The following SCYGR7 variants were observed in gnomAD, a reference collection of about 807,000 sequenced individuals.
SCYGR7 encodes small cysteine and glycine repeat-containing protein 7.
chr2:227,728,570 G>A, exon 1 of SCYGR7: 2 of 399,114 alleles, frequency 5.0e-6, no homozygotes, highest in Non-Finnish European at 8.8e-6. Context: ...GGCTGCGGCT[G>A]TGGGAAGGGC....
exon 1 of SCYGR7, chr2:227,728,491 C>T (rs1316768658): frequency 1.8e-5 from 7 of 399,262 alleles, no homozygotes; most frequent in Admixed American, 4.4e-5. Context: ...CCCCTGCTGC[C>T]GCGGCTGCTG....
exon 1 of SCYGR7, chr2:227,728,415 C>CGGTGGTGGCTGCGGTGGCTGT (rs1696589124): frequency 2.5e-6 from 1 of 398,642 alleles, no homozygotes; most frequent in Non-Finnish European, 4.4e-6. Flanking sequence ...GTGGTGGCTG[C>CGGTGGTGGCTGCGGTGGCTGT]GGTGGTGGCT....
At chr2:227,728,400 CTGCGGTGGT>C in exon 1 of SCYGR7, 2 of 405,678 alleles carry the variant, frequency 4.9e-6, no homozygotes, top group South Asian at 1.2e-4. Flanking sequence ...GCGGTGGTGG[CTGCGGTGGT>C]GGCTGCGGTG....
chr2:227,728,356 A>T (rs540532810), exon 1 of SCYGR7: 1 of 399,468 alleles, frequency 2.5e-6, no homozygotes, highest in East Asian at 3.6e-5. Flanking sequence ...TGGTTGTGGA[A>T]GTTGTGGTGG....
exon 1 of SCYGR7, chr2:227,728,457 G>A: frequency 2.5e-6 from 1 of 399,780 alleles, no homozygotes. Flanking sequence ...GGTGCTACCG[G>A]GTGGGCTGCT....
exon 1 of SCYGR7, chr2:227,728,566 G>A (rs903571742): frequency 2.3e-5 from 9 of 398,980 alleles, no homozygotes; most frequent in South Asian, 1.3e-4. Flanking sequence ...ATGTGGCTGC[G>A]GCTGTGGGAA....
At chr2:227,728,377 GGCTGTGGTGGCT>G in exon 1 of SCYGR7, 1 of 402,812 alleles carries the variant, frequency 2.5e-6, no homozygotes, top group Non-Finnish European at 4.3e-6. Flanking sequence ...CTGCGGTGGT[GGCTGTGGTGGCT>G]GCGGTGGTGG....
At chr2:227,728,550 C>T (rs781610563) in exon 1 of SCYGR7, 4 of 398,968 alleles carry the variant, frequency 1.0e-5, no homozygotes, top group Non-Finnish European at 1.8e-5. Context: ...GCCGCACCTG[C>T]GGCTCATGTG....
exon 1 of SCYGR7, chr2:227,728,372 G>A (rs188682123): frequency 2.7e-5 from 11 of 406,618 alleles, no homozygotes; most frequent in Admixed American, 2.2e-4. Flanking sequence ...GGTGGCTGCG[G>A]TGGTGGCTGT....
exon 1 of SCYGR7, chr2:227,728,538 C>T (rs1696592263): frequency 1.0e-5 from 4 of 399,186 alleles, no homozygotes; most frequent in Non-Finnish European, 1.8e-5. Flanking sequence ...TCTGCTGCTG[C>T]CGCCGCACCT....
chr2:227,728,458 G>T (rs925283190), exon 1 of SCYGR7: 5 of 399,786 alleles, frequency 1.3e-5, no homozygotes, highest in African/African-American at 1.0e-4. Context: ...GTGCTACCGG[G>T]TGGGCTGCTG....
At position 227,728,596 on chromosome 2, in the gene SCYGR7, G is replaced by T. The variant is rs562241632; in HGVS notation, c.262G>T (p.Gly88Cys). The T allele has an allele frequency of 2.0e-3, 805 of 398,916 alleles. 12 individuals carry two copies. In the Admixed American group the frequency reaches 0.025, roughly 12 times the overall value. 24.7% of individuals were successfully genotyped at this position (398,916 alleles called of 1,614,324 possible). ...TGGGAAGGGCTGTTGCCAGCAGAAA[G>T]GCTGCTGCCAGAAGCAATGCTGCTG... Residue 88 changes from glycine to cysteine, a missense_variant, in exon 1 of 1, where the codon GGC (glycine) becomes TGC (cysteine). Coordinates refer to ENST00000641700, the Ensembl canonical transcript of SCYGR7.
chr2:227,728,504 G>A, exon 1 of SCYGR7: 3 of 399,478 alleles, frequency 7.5e-6, no homozygotes, highest in Non-Finnish European at 1.3e-5. Flanking sequence ...GGCTGCTGTG[G>A]GGGCTGCTGC....
exon 1 of SCYGR7, chr2:227,728,520 A>T (rs888146614): frequency 9.5e-5 from 38 of 398,948 alleles, no homozygotes; most frequent in South Asian, 1.3e-4. Flanking sequence ...GCTGCAGCAC[A>T]CCTGTGATCT....
exon 1 of SCYGR7, chr2:227,728,586 C>T (rs929718666): frequency 2.0e-5 from 8 of 399,074 alleles, no homozygotes; most frequent in Non-Finnish European, 3.1e-5. Context: ...AGGGCTGTTG[C>T]CAGCAGAAAG....
exon 1 of SCYGR7, chr2:227,728,380 T>TGTGGTGGCTGCGGTGGCTGCG (rs1696587351): frequency 1.5e-5 from 6 of 402,980 alleles, no homozygotes; most frequent in African/African-American, 1.3e-4. Context: ...CGGTGGTGGC[T>TGTGGTGGCTGCGGTGGCTGCG]GTGGTGGCTG....
At chr2:227,728,620 T>C in exon 1 of SCYGR7, 1 of 398,984 alleles carries the variant, frequency 2.5e-6, no homozygotes, top group Non-Finnish European at 4.4e-6. Context: ...GCAATGCTGC[T>C]GCTAGGCGGG....
exon 1 of SCYGR7, chr2:227,728,600 G>C: frequency 2.5e-6 from 1 of 398,870 alleles, no homozygotes. Context: ...CAGAAAGGCT[G>C]CTGCCAGAAG....
At chr2:227,728,370 C>CGGTGGTGGCTGTGGTGGCTGT (rs1559266012) in exon 1 of SCYGR7, 2 of 405,584 alleles carry the variant, frequency 4.9e-6, no homozygotes, top group African/African-American at 4.2e-5. Context: ...GTGGTGGCTG[C>CGGTGGTGGCTGTGGTGGCTGT]GGTGGTGGCT....
Sources: allele counts gnomAD v4.1 joint callset, GRCh38; gene constraint gnomAD v4.1.1; transcripts MANE v1.5; gene names NCBI Gene and HGNC (gene_info 2026-07-23, HGNC 2026-07-21).